The following DOK7 variants were observed in gnomAD, a reference collection of about 807,000 sequenced individuals.
The protein encoded by DOK7 is protein Dok-7.
DOK7 carries 32 observed loss-of-function variants against 30.7 expected under a neutral mutation model. That is an observed-to-expected ratio of 1.04 (90% confidence interval 0.79 to 1.40). The LOEUF (loss-of-function observed/expected upper bound fraction) is 1.40. DOK7 is among the 40% of genes most tolerant of loss of function. DOK7 has a pLI of 0.00. For missense variants in DOK7, 1,007 were observed against 699.2 expected, an observed-to-expected ratio of 1.44 and a Z score of -4.97; for synonymous variants, 447 against 324.1, an observed-to-expected ratio of 1.38 and a Z score of -4.07.
At chr4:3,490,120 C>CTTTCTTCACCCCCTCATTCA (rs1728141284) in intron 6 of DOK7, among the ~76,000 whole-genome samples, 1 of 118,470 alleles carries the variant, frequency 8.4e-6, no homozygotes, top group African/African-American at 3.1e-5. Context: ...CCATTCATTC[C>CTTTCTTCACCCCCTCATTCA]TTTTCTCCCT....
At chr4:3,466,372 C>T (rs1726264962) in intron 2 of DOK7, among the ~76,000 whole-genome samples, 1 of 152,194 alleles carries the variant, frequency 6.6e-6, no homozygotes, top group Non-Finnish European at 1.5e-5. Flanking sequence ...GCCCCGTGAG[C>T]CCCGGAGCTG....
rs776760690 is a variant in DOK7, at chr4:3,476,448, G to C, written c.438G>C (p.Pro146=). The change falls in exon 4 of 7, where the codon CCG becomes CCC. Residue 146 remains proline (P), a synonymous_variant. Coordinates refer to ENST00000340083, the MANE Select transcript of DOK7 (RefSeq NM_173660.5). ...TCGTCTTGGCCAGGGACATCCCCCCGGCTGTCACGGGGCAGTGGAAGCTGT... is the reference window on the plus strand; with the variant it reads ...TCGTCTTGGCCAGGGACATCCCCCCCGCTGTCACGGGGCAGTGGAAGCTGT... ...DVLVLARDIP[P]AVTGQWKLSD... The C allele has an allele frequency of 6.2e-7, 1 of 1,613,668 alleles. No individual in the cohort carries two copies.
intron 4 of DOK7, among the ~76,000 whole-genome samples, chr4:3,476,778 G>T (rs1727122455): frequency 6.6e-6 from 1 of 152,232 alleles, no homozygotes; most frequent in African/African-American, 2.4e-5. Flanking sequence ...CCTCACTGGA[G>T]GGAGAGAGTT....
At chr4:3,499,674 G>C (rs1009332841) in intron 6 of DOK7, among the ~76,000 whole-genome samples, 4 of 142,240 alleles carry the variant, frequency 2.8e-5, no homozygotes, top group Non-Finnish European at 6.1e-5. Context: ...CTCCTATGAG[G>C]GGGGAGAGGG....
chr4:3,480,969 T>C (rs1297204025), intron 4 of DOK7, among the ~76,000 whole-genome samples: 1 of 152,048 alleles, frequency 6.6e-6, no homozygotes, highest in African/African-American at 2.4e-5. Flanking sequence ...AGGGGACTTC[T>C]GCAGGGTGAA....
Position 3,494,244 on chromosome 4 carries a change from G to A in DOK7, c.*743G>A. ...GCTCCTGTCTGAACCTCCTCGCAGG[G>A]CCAAAGGCTGGCTTGGCCTGTGTTT... On this transcript the variant is annotated 3_prime_UTR_variant, in exon 7 of 7. Coordinates refer to ENST00000340083, the MANE Select transcript of DOK7 (RefSeq NM_173660.5). 1.0e-6 allele frequency: 1 copy of A among 985,544 alleles called. No individual in the cohort carries two copies. Among genetic ancestry groups the A allele is most frequent in the African/African-American group, 1.7e-5 (1 of 57,372 alleles). The allele number at this position is 985,544 out of a possible 1,614,324, so 61.0% of individuals were successfully genotyped here.
downstream of DOK7, among the ~76,000 whole-genome samples, chr4:3,495,634 ACAGGCTGGGGGCTCCTCCT>A (rs1313349950): frequency 6.6e-6 from 1 of 152,194 alleles, no homozygotes; most frequent in African/African-American, 2.4e-5. Context: ...TGGGTGGCCA[ACAGGCTGGGGGCTCCTCCT>A]CAGGCCAGGG....
At chr4:3,474,227 C>A (rs957418800) in intron 3 of DOK7, among the ~76,000 whole-genome samples, 1 of 152,052 alleles carries the variant, frequency 6.6e-6, no homozygotes, top group Non-Finnish European at 1.5e-5. Flanking sequence ...GGGCACTCAG[C>A]GGCAGAGCAA....
At chr4:3,476,144 C>CCTCA (rs1727041407) in intron 3 of DOK7, among the ~76,000 whole-genome samples, 198 bp from the exon 4 acceptor site, 2 of 148,726 alleles carry the variant, frequency 1.3e-5, no homozygotes, top group African/African-American at 5.0e-5. Context: ...TGCCCTCTCG[C>CCTCA]CCCGCCTGAC....
chr4:3,493,180 C>A lies in DOK7; in HGVS notation c.1194C>A (p.Pro398=). ...CCGGGACAGTCGAGTACCAGGTGCC[C>A]ACCTCCCTGCGGGCCCACTATGACA... The part of the protein sequence containing the change: ...CLPGTVEYQV[P]TSLRAHYDTP... Residue 398 remains proline, a synonymous_variant, in exon 7 of 7, where the codon CCC becomes CCA. Coordinates refer to ENST00000340083, the MANE Select transcript of DOK7 (RefSeq NM_173660.5). 1.2e-6 allele frequency: 2 copies of A among 1,609,664 alleles called. No individual in the cohort carries two copies. Among genetic ancestry groups the A allele is most frequent in the Non-Finnish European group, 1.7e-6 (2 of 1,178,848 alleles).
downstream of DOK7, among the ~76,000 whole-genome samples, chr4:3,495,002 T>A (rs1402387886): frequency 6.6e-6 from 1 of 151,988 alleles, no homozygotes; most frequent in Admixed American, 6.6e-5. Context: ...GAGCGGGGAG[T>A]TCTGGAGGGC....
At chr4:3,500,364 A>C (rs949028396) in exon 7 of DOK7, 10 of 1,535,548 alleles carry the variant, frequency 6.5e-6, no homozygotes, top group Non-Finnish European at 8.7e-6. Context: ...GCTGCACTAC[A>C]TGGGCCTGGA....
At chr4:3,500,603 G>A in intron 7 of DOK7, 1 of 1,529,302 alleles carries the variant, frequency 6.5e-7, no homozygotes, top group Non-Finnish European at 8.7e-7. Context: ...TGCTTCCGAG[G>A]GCCTGGCTGG....
intron 5 of DOK7, among the ~76,000 whole-genome samples, chr4:3,488,946 G>T (rs1367751167): frequency 6.6e-6 from 1 of 152,246 alleles, no homozygotes; most frequent in Non-Finnish European, 1.5e-5. Context: ...AGCATGGGCG[G>T]GGGCTTGGGG....
exon 7 of DOK7, chr4:3,500,341 C>T: frequency 6.5e-7 from 1 of 1,535,938 alleles, no homozygotes; most frequent in Non-Finnish European, 8.7e-7. Flanking sequence ...GTCAGCCCAT[C>T]CTCCAGAAAG....
At chr4:3,482,062 A>G (rs1023768821) in intron 4 of DOK7, among the ~76,000 whole-genome samples, 1 of 150,614 alleles carries the variant, frequency 6.6e-6, no homozygotes, top group Admixed American at 6.6e-5. Context: ...CTTTCCTCTT[A>G]CCCTCACGCC....
chr4:3,466,184 C>A (rs1235148390), intron 2 of DOK7, among the ~76,000 whole-genome samples: 1 of 152,170 alleles, frequency 6.6e-6, no homozygotes, highest in East Asian at 1.9e-4. Context: ...GAGCCCAGTT[C>A]CCCCCAGCCA....
intron 5 of DOK7, among the ~76,000 whole-genome samples, chr4:3,488,220 G>A (rs1300108481): frequency 6.6e-6 from 1 of 152,230 alleles, no homozygotes; most frequent in African/African-American, 2.4e-5. Context: ...AGTGCCTTGG[G>A]GTGGCCATAC....
chr4:3,492,244 A>G (rs557655168), intron 6 of DOK7, among the ~76,000 whole-genome samples: 107 of 152,008 alleles, frequency 7.0e-4, no homozygotes, highest in Middle Eastern at 3.4e-3. Flanking sequence ...CAAGGACGCC[A>G]GCATGGTGAG....
Sources: gnomAD v4.1 joint callset for allele counts (sites outside exome capture counted in the v4.1 genomes callset) on GRCh38, gnomAD v4.1.1 for gene constraint, MANE v1.5 for transcripts, NCBI Gene and HGNC (gene_info 2026-07-23, HGNC 2026-07-21) for gene names.